The following CWC27 variants were observed in gnomAD, a reference collection of about 807,000 sequenced individuals.
The protein encoded by CWC27 is CWC27 spliceosome associated cyclophilin, also known as spliceosome-associated protein CWC27 homolog.
CWC27 carries 47 observed loss-of-function variants against 63.6 expected under a neutral mutation model. The observed-to-expected ratio is 0.74, with a 90% CI of 0.58 to 0.94. The LOEUF (loss-of-function observed/expected upper bound fraction) is 0.94. Among genes scored for constraint, CWC27 ranks in the 40% least tolerant of loss-of-function variants. The pLI, the probability that CWC27 is intolerant of heterozygous loss-of-function variation, is 0.00. For synonymous variants in CWC27, 175 were observed against 179.8 expected (o/e 0.97, Z 0.22); for missense variants, 495 against 554.3 (o/e 0.89, Z 1.07).
intron 10 of CWC27, among the ~76,000 whole-genome samples, chr5:64,846,253 G>A (rs1745975511): frequency 6.6e-6 from 1 of 152,148 alleles, no homozygotes; most frequent in African/African-American, 2.4e-5. Flanking sequence ...AAAACTGTAG[G>A]ACTGTAATAA....
intron 10 of CWC27, among the ~76,000 whole-genome samples, chr5:64,822,318 ATAGT>A (rs755892137): frequency 1.3e-5 from 2 of 152,226 alleles, no homozygotes; most frequent in African/African-American, 4.8e-5. Context: ...GCTGAGCCAG[ATAGT>A]TAGCTGTGTG....
At chr5:65,004,931 CACACT>C in intron 13 of CWC27, among the ~76,000 whole-genome samples, 4 of 139,498 alleles carry the variant, frequency 2.9e-5, no homozygotes, top group African/African-American at 1.0e-4. Flanking sequence ...CACACACACA[CACACT>C]GTTGGTTGGG....
chr5:64,785,481 G>T lies in CWC27; in HGVS notation c.397G>T (p.Val133Phe). The change falls in exon 5 of 14, where the codon GTT becomes TTT. Residue 133 changes from valine (V) to phenylalanine (F), a missense_variant and splice_region_variant. Physicochemically the swap from Val to Phe is conservative, Grantham distance 50 (BLOSUM62 -1). Around this residue, in one of 3 missense-constraint regions of CWC27, gnomAD observed 463 missense variants for 498.1 expected, o/e 0.93. Transcript: ENST00000381070. ...LNNKHTIFGK[V>F]TGDTVYNMLR... ...TTACATTATATTTTTAATTTGATAG[G>T]TTACAGGGGATACAGTATATAACAT... is the stretch of plus-strand genomic sequence containing the variant. 7.2e-7 allele frequency: 1 copy of T among 1,391,112 alleles called. No homozygotes were observed. The highest frequency in any genetic ancestry group is 9.4e-7 in the Non-Finnish European group (1 of 1,058,482). 86.2% of individuals were successfully genotyped at this position (1,391,112 alleles called of 1,614,324 possible).
intron 3 of CWC27, among the ~76,000 whole-genome samples, chr5:64,782,534 C>T (rs1267286537): frequency 2.0e-5 from 3 of 150,980 alleles, no homozygotes; most frequent in Non-Finnish European, 4.4e-5. Context: ...TTCTTAACTG[C>T]CAACATAGAT....
At chr5:64,965,708 A>G (rs1175208021) in intron 11 of CWC27, among the ~76,000 whole-genome samples, 1 of 152,192 alleles carries the variant, frequency 6.6e-6, no homozygotes, top group Non-Finnish European at 1.5e-5. Flanking sequence ...TACTTCAGTT[A>G]GAGAATATTA....
Position 64,860,250 on chromosome 5 carries a change from G to A in CWC27, c.939-25193G>A, listed in dbSNP as rs770933153. Among the ~76,000 whole-genome samples, 4 of 152,198 alleles carry A rather than the reference G, an allele frequency of 2.6e-5. No individual in the cohort carries two copies. The South Asian group carries it at 6.2e-4, about 24-fold the overall frequency. On this transcript the variant is annotated intron_variant, in intron 10 of 13. Transcript: ENST00000381070. Reference sequence around the variant, plus strand: ...TTTAAATGAATTAAAATTAATGGAAGAATTACAATATTTAATATGATACTA... The same window carrying A: ...TTTAAATGAATTAAAATTAATGGAAAAATTACAATATTTAATATGATACTA...
At chr5:64,851,447 A>T (rs915155002) in intron 10 of CWC27, among the ~76,000 whole-genome samples, 6 of 152,142 alleles carry the variant, frequency 3.9e-5, no homozygotes, top group Admixed American at 1.3e-4. Flanking sequence ...TACAGGAGTG[A>T]TATGTTGTTG....
chr5:64,850,735 A>C (rs898053444), intron 10 of CWC27, among the ~76,000 whole-genome samples: 5 of 152,188 alleles, frequency 3.3e-5, no homozygotes, highest in Admixed American at 3.3e-4. Flanking sequence ...AAACAAAAAA[A>C]TTAAAACCTG....
chr5:64,972,277 A>C (rs1749140679), intron 12 of CWC27, among the ~76,000 whole-genome samples: 1 of 152,164 alleles, frequency 6.6e-6, no homozygotes, highest in South Asian at 2.1e-4. Flanking sequence ...AGTACAAGTA[A>C]TTCCTGAATC....
chr5:64,898,052 A>C (rs1447784173), intron 11 of CWC27, among the ~76,000 whole-genome samples: 1 of 152,214 alleles, frequency 6.6e-6, no homozygotes, highest in Non-Finnish European at 1.5e-5. Flanking sequence ...ATAATGTACA[A>C]AAGGGAATAT....
chr5:64,808,338 A>G (rs1035015792), intron 10 of CWC27: 2 of 988,796 alleles, frequency 2.0e-6, no homozygotes, highest in Non-Finnish European at 2.4e-6. Flanking sequence ...AGTTGGTACT[A>G]TATTCCCTGA....
At chr5:64,988,457 T>G (rs1749475350) in intron 13 of CWC27, among the ~76,000 whole-genome samples, 1 of 152,242 alleles carries the variant, frequency 6.6e-6, no homozygotes, top group South Asian at 2.1e-4. Context: ...GACAACCCAT[T>G]TGGGTTCAGG....
chr5:64,942,608 A>G (rs1748507658), intron 11 of CWC27, among the ~76,000 whole-genome samples: 1 of 152,112 alleles, frequency 6.6e-6, no homozygotes. Flanking sequence ...TTTTATACGC[A>G]CCAAAAGATT....
chr5:64,995,254 G>A (rs894560366), intron 13 of CWC27, among the ~76,000 whole-genome samples: 6 of 152,114 alleles, frequency 3.9e-5, no homozygotes, highest in African/African-American at 1.4e-4. Flanking sequence ...TTACAGGTAT[G>A]AGCCACGGCG....
intron 7 of CWC27, among the ~76,000 whole-genome samples, chr5:64,793,261 C>T (rs1744141030): frequency 6.6e-6 from 1 of 152,092 alleles, no homozygotes; most frequent in Non-Finnish European, 1.5e-5. Flanking sequence ...CCATTCTTCA[C>T]ATGCGATTGG....
At chr5:64,948,836 A>C (rs1190012784) in intron 11 of CWC27, among the ~76,000 whole-genome samples, 1 of 152,018 alleles carries the variant, frequency 6.6e-6, no homozygotes, top group East Asian at 1.9e-4. Flanking sequence ...GGTAAAATGT[A>C]GAAATGAGTG....
intron 11 of CWC27, among the ~76,000 whole-genome samples, chr5:64,927,605 C>T (rs1474537105): frequency 1.3e-5 from 2 of 151,888 alleles, no homozygotes; most frequent in African/African-American, 4.9e-5. Context: ...TCTTCAGGAA[C>T]TTTCCCTTCT....
intron 2 of CWC27, among the ~76,000 whole-genome samples, chr5:64,778,976 C>G (rs777508663): frequency 3.3e-5 from 5 of 152,096 alleles, no homozygotes. Flanking sequence ...CATTGTATAT[C>G]CAGTTATACT....
chr5:64,988,132 A>G (rs935306303), intron 13 of CWC27, among the ~76,000 whole-genome samples: 2 of 151,954 alleles, frequency 1.3e-5, no homozygotes, highest in African/African-American at 4.8e-5. Flanking sequence ...TTAAATTTTG[A>G]TTATTGTATT....
Sources: gnomAD v4.1 joint callset for allele counts (sites outside exome capture counted in the v4.1 genomes callset) on GRCh38, gnomAD v4.1.1 for gene constraint, gnomAD v4.1.1 regional missense constraint, MANE v1.5 for transcripts, NCBI Gene and HGNC (gene_info 2026-07-23, HGNC 2026-07-21) for gene names.